Variants in MEIOB observed in about 807,000 individuals in gnomAD.
MEIOB encodes meiosis specific with OB-fold.
In MEIOB, 50 loss-of-function variants were observed where a neutral mutation model predicts 53.1. The observed-to-expected ratio is 0.94, with a 90% CI of 0.75 to 1.19. The LOEUF (loss-of-function observed/expected upper bound fraction) is 1.19. Ranked by LOEUF, MEIOB falls within the 50% of genes most tolerant of loss-of-function variation. The pLI, the probability that MEIOB is intolerant of heterozygous loss-of-function variation, is 0.00. For synonymous variants in MEIOB, 192 were observed against 182.5 expected (o/e 1.05, Z -0.42); for missense variants, 551 against 550.8 (o/e 1.00, Z 0.00).
Position 1,841,942 on chromosome 16 carries a change from T to C in MEIOB, c.912A>G (p.Glu304=), listed in dbSNP as rs960769747. 14 of 1,607,240 alleles carry C rather than the reference T, an allele frequency of 8.7e-6. No homozygotes were observed. The highest frequency in any genetic ancestry group is 1.1e-5 in the Non-Finnish European group (13 of 1,176,786). ...TCTTCAAAGCTTTTCCCTTTAATTG[T>C]TCAACTGTGTAGACATCAACTATTG... The part of the protein sequence containing the change: ...LSTIVDVYTV[E]QLKGKALKNE... Residue 304 remains glutamate, a synonymous_variant, in exon 11 of 14, where the codon GAA becomes GAG. Coordinates refer to ENST00000325962, the MANE Select transcript of MEIOB (RefSeq NM_001163560.3).
At position 1,857,719 on chromosome 16, in the gene MEIOB, C is replaced by G. The variant is rs559574645; in HGVS notation, c.528+16G>C. The G allele has an allele frequency of 4.0e-5, 62 of 1,548,504 alleles. 1 individual carries two copies. Among genetic ancestry groups the G allele is most frequent in the Middle Eastern group, 1.7e-4 (1 of 6,016 alleles). ...CCTGCCAGATTGCACTTGGCTTTGT[C>G]GGGGTTTTAACTTACCGATTTCACA... On this transcript the variant is annotated intron_variant, in intron 6 of 13. Coordinates refer to ENST00000325962, the MANE Select transcript of MEIOB (RefSeq NM_001163560.3).
rs568666095 is a variant in MEIOB at position 1,853,144 on chromosome 16, A to G, written c.683-10T>C. On this transcript the variant is annotated splice_polypyrimidine_tract_variant and intron_variant, in intron 8 of 13. Coordinates refer to ENST00000325962, the MANE Select transcript of MEIOB (RefSeq NM_001163560.3). ...TCTGAGGCAAATATTACTGTTTGGG[A>G]AAAAAGCCATTTAAAATTATTACAT... 1 of 1,602,128 alleles carries G rather than the reference A, an allele frequency of 6.2e-7. No individual in the cohort carries two copies. Among genetic ancestry groups the G allele is most frequent in the East Asian group, 2.2e-5 (1 of 44,706 alleles).
rs761654958 is a variant in MEIOB, at chr16:1,841,919, T to C, written c.935A>G (p.Lys312Arg). 1 of 1,608,540 alleles carries C rather than the reference T, an allele frequency of 6.2e-7. No homozygotes were observed. The highest frequency in any genetic ancestry group is 1.1e-5 in the South Asian group (1 of 89,588). ...GGAAGGATCAGCTTTTCCTTCATTC[T>C]TCAAAGCTTTTCCCTTTAATTGTTC... Reference protein sequence around the residue: ...TVEQLKGKALKNEGKADPSYG... With the variant: ...TVEQLKGKALRNEGKADPSYG... The change falls in exon 11 of 14, where the codon AAG becomes AGG. Residue 312 changes from lysine to arginine, a missense_variant. Transcript: ENST00000325962.
At chr16:1,848,529 C>CTT (rs1304740396) in intron 9 of MEIOB, among the ~76,000 whole-genome samples, 173 of 136,810 alleles carry the variant, frequency 1.3e-3, no homozygotes, top group African/African-American at 3.4e-3. Flanking sequence ...ATCCCTTCTC[C>CTT]TTTTTTTTTT....
chr16:1,838,690 TG>T (rs1311131194), intron 12 of MEIOB, among the ~76,000 whole-genome samples: 1 of 152,062 alleles, frequency 6.6e-6, no homozygotes, highest in Non-Finnish European at 1.5e-5. Flanking sequence ...CTTAGTGTTT[TG>T]TTTTTTTTTT....
chr16:1,849,997 A>G (rs1364328373), intron 9 of MEIOB, among the ~76,000 whole-genome samples: 3 of 152,232 alleles, frequency 2.0e-5, no homozygotes, highest in Non-Finnish European at 4.4e-5. Context: ...TTAAGCAATA[A>G]ATAATAAATT....
rs1391924844 is a variant in MEIOB, at chr16:1,849,546, A to AAAAAAAAAAAAC, written c.778+3481_778+3492dup. On this transcript the variant is annotated intron_variant, in intron 9 of 13. Coordinates refer to ENST00000325962, the MANE Select transcript of MEIOB (RefSeq NM_001163560.3). ...GGGTGACAGAGTGAGACTCCGTCTC[A>AAAAAAAAAAAAC]AAAAAAAAAAACACCTAGATGACAG... Among the ~76,000 whole-genome samples the AAAAAAAAAAAAC allele has an allele frequency of 3.0e-4, 11 of 36,704 alleles. No individual in the cohort carries two copies. In the East Asian group the frequency reaches 7.3e-3, roughly 24 times the overall value. The allele number at this position is 36,704 out of a possible 152,430, so 24.1% of individuals were successfully genotyped here.
At chr16:1,865,148 G>C (rs1398970744) in intron 3 of MEIOB, among the ~76,000 whole-genome samples, 1 of 151,976 alleles carries the variant, frequency 6.6e-6, no homozygotes. Flanking sequence ...AAATCAACCA[G>C]GGGCTGGGCA....
chr16:1,863,893 C>T (rs1218344406), intron 3 of MEIOB, among the ~76,000 whole-genome samples: 8 of 152,178 alleles, frequency 5.3e-5, no homozygotes, highest in Non-Finnish European at 1.5e-5. Context: ...GGCGCAGTTG[C>T]TCCTGCCTAT....
Position 1,841,820 on chromosome 16 carries a change from C to T in MEIOB, c.1034G>A (p.Cys345Tyr). 1 of 1,556,700 alleles carries T rather than the reference C, an allele frequency of 6.4e-7. No individual in the cohort carries two copies. The highest frequency in any genetic ancestry group is 8.7e-7 in the Non-Finnish European group (1 of 1,152,690). Reference protein sequence around the residue: ...DETTKVVRNRCSSCGYIVNEA... With the variant: ...DETTKVVRNRYSSCGYIVNEA... ...TGCTAAAAGTGACACGGATCCTTAC[C>T]ATCTATTTCGAACTACTTTTGTAGT... Residue 345 changes from cysteine (C) to tyrosine (Y), a missense_variant and splice_region_variant, in exon 11 of 14, where the codon TGT becomes TAT. Physicochemically the swap from Cys to Tyr is radical, Grantham distance 194 (BLOSUM62 -2). Coordinates refer to ENST00000325962, the MANE Select transcript of MEIOB (RefSeq NM_001163560.3).
chr16:1,853,704 G>T (rs1371950714), intron 7 of MEIOB, among the ~76,000 whole-genome samples: 2 of 152,176 alleles, frequency 1.3e-5, no homozygotes, highest in East Asian at 3.9e-4. Flanking sequence ...ACAATGCCTT[G>T]TTGTACCTGG....
intron 9 of MEIOB, among the ~76,000 whole-genome samples, chr16:1,846,999 C>T (rs1056695185): frequency 1.3e-5 from 2 of 149,948 alleles, no homozygotes; most frequent in Non-Finnish European, 3.0e-5. Context: ...TACTAAAATA[C>T]AAAAAATTAG....
chr16:1,849,866 AATG>A (rs904841869), intron 9 of MEIOB, among the ~76,000 whole-genome samples: 2 of 152,210 alleles, frequency 1.3e-5, no homozygotes, highest in Non-Finnish European at 2.9e-5. Flanking sequence ...CCACAAAAAA[AATG>A]ATAAGTATGT....
At chr16:1,835,239 G>A (rs1039164656) in intron 13 of MEIOB, among the ~76,000 whole-genome samples, 10 of 151,498 alleles carry the variant, frequency 6.6e-5, no homozygotes, top group Non-Finnish European at 1.3e-4. Flanking sequence ...GTGTGACAGA[G>A]CGAGCAGAGT....
At chr16:1,869,876 A>T (rs374029939) in intron 1 of MEIOB, among the ~76,000 whole-genome samples, 2 of 140,424 alleles carry the variant, frequency 1.4e-5, no homozygotes. Context: ...AAAGGTAGTG[A>T]TTTTTTTTTT....
chr16:1,863,059 T>C (rs1899487260), intron 3 of MEIOB, among the ~76,000 whole-genome samples: 1 of 151,826 alleles, frequency 6.6e-6, no homozygotes, highest in South Asian at 2.1e-4. Flanking sequence ...AAGGACACCA[T>C]CTCTACAGAA....
chr16:1,850,645 G>A (rs926437380), intron 9 of MEIOB, among the ~76,000 whole-genome samples: 1 of 151,540 alleles, frequency 6.6e-6, no homozygotes, highest in Non-Finnish European at 1.5e-5. Context: ...CATAGGCCAG[G>A]TGCAGTGGCT....
intron 3 of MEIOB, among the ~76,000 whole-genome samples, chr16:1,865,055 G>A (rs573393119): frequency 1.3e-5 from 2 of 152,178 alleles, no homozygotes; most frequent in African/African-American, 4.8e-5. Flanking sequence ...AGGATGAGGT[G>A]GGATGATCAC....
rs1899348139 is a variant in MEIOB, at chr16:1,857,866, C to A, written c.397G>T (p.Asp133Tyr). The change falls in exon 6 of 14, where the codon GAC becomes TAC. Residue 133 changes from aspartate to tyrosine, a missense_variant. Transcript: ENST00000325962. ...TVKVCSSYEVDTKLLSLIHLP... is the reference protein window; with the variant it reads ...TVKVCSSYEVYTKLLSLIHLP... ...TGTATCAAAGAAAGTAACTTTGTGT[C>A]CACTTCATAACTGGAACAAACTTTT... 9 of 1,551,200 alleles carry A rather than the reference C, an allele frequency of 5.8e-6. No individual in the cohort carries two copies. Among genetic ancestry groups the A allele is most frequent in the Non-Finnish European group, 7.8e-6 (9 of 1,146,742 alleles).
Sources: gnomAD v4.1 joint callset for allele counts (sites outside exome capture counted in the v4.1 genomes callset) on GRCh38, gnomAD v4.1.1 for gene constraint, MANE v1.5 for transcripts, NCBI Gene and HGNC (gene_info 2026-07-23, HGNC 2026-07-21) for gene names.